GATAD2A: variants seen among roughly 807,000 people sequenced by gnomAD.
The protein encoded by GATAD2A is GATA zinc finger domain containing 2A.
In GATAD2A, 12 loss-of-function variants were observed where a neutral mutation model predicts 68.5. The ratio of observed to expected loss-of-function variants is 0.18; its 90% CI spans 0.11 to 0.28. GATAD2A has a LOEUF of 0.28. Among genes scored for constraint, GATAD2A ranks in the 10% least tolerant of loss-of-function variants. The probability of loss-of-function intolerance (pLI) is 1.00; values close to 1 mark genes in which losing one functional copy is unlikely to be tolerated. For missense variants in GATAD2A, 755 were observed against 868.5 expected, an observed-to-expected ratio of 0.87 and a Z score of 1.64; for synonymous variants, 410 against 375.3, an observed-to-expected ratio of 1.09 and a Z score of -1.07.
intron 2 of GATAD2A, among the ~76,000 whole-genome samples, chr19:19,474,821 G>A (rs2058559670): frequency 6.6e-6 from 1 of 152,222 alleles, no homozygotes; most frequent in Admixed American, 6.5e-5. Context: ...TGGCAGTCCA[G>A]CATACCGTCT....
intron 2 of GATAD2A, among the ~76,000 whole-genome samples, chr19:19,488,778 G>A (rs776436006): frequency 6.6e-6 from 1 of 152,156 alleles, no homozygotes; most frequent in Non-Finnish European, 1.5e-5. Context: ...ATTTTTGTAG[G>A]TCACATAAAA....
At chr19:19,399,113 A>G (rs992421531) in intron 1 of GATAD2A, among the ~76,000 whole-genome samples, 2 of 152,156 alleles carry the variant, frequency 1.3e-5, no homozygotes, top group Non-Finnish European at 2.9e-5. Context: ...AATCTCAGCT[A>G]CTTGGGAGGC....
At chr19:19,433,271 T>C (rs1399950804) in intron 1 of GATAD2A, among the ~76,000 whole-genome samples, 1 of 152,210 alleles carries the variant, frequency 6.6e-6, no homozygotes, top group Non-Finnish European at 1.5e-5. Flanking sequence ...GTCTCAGTGA[T>C]CCACATGCGT....
chr19:19,406,571 C>T (rs2050294192), intron 1 of GATAD2A, among the ~76,000 whole-genome samples: 1 of 152,168 alleles, frequency 6.6e-6, no homozygotes, highest in Admixed American at 6.5e-5. Flanking sequence ...CCCCGGGAGC[C>T]GCGGGACCCT....
chr19:19,479,313 C>T (rs141661958), intron 2 of GATAD2A, among the ~76,000 whole-genome samples: 1 of 152,290 alleles, frequency 6.6e-6, no homozygotes, highest in East Asian at 1.9e-4. Flanking sequence ...AAAGATCAGT[C>T]CTGCAAACCT....
chr19:19,440,440 T>G, intron 1 of GATAD2A: 1 of 223,980 alleles, frequency 4.5e-6, no homozygotes, highest in South Asian at 4.6e-5. Flanking sequence ...CCTGCTAATT[T>G]TTTATATTTT....
intron 1 of GATAD2A, among the ~76,000 whole-genome samples, chr19:19,387,539 G>A (rs1318042016): frequency 6.6e-6 from 1 of 151,928 alleles, no homozygotes; most frequent in Non-Finnish European, 1.5e-5. Context: ...GGCTGGTCTC[G>A]AACTTCTGAG....
intron 1 of GATAD2A, among the ~76,000 whole-genome samples, chr19:19,446,645 T>C (rs1416135773): frequency 6.6e-6 from 1 of 152,254 alleles, no homozygotes; most frequent in Non-Finnish European, 1.5e-5. Flanking sequence ...CTAAGAGTTT[T>C]ATGGATTTAG....
In GATAD2A at chr19:19,505,572, C is replaced by A; in HGVS notation, c.*98C>A. The A allele has an allele frequency of 9.1e-7, 1 of 1,104,002 alleles. No homozygotes were observed. The highest frequency in any genetic ancestry group is 1.3e-6 in the Non-Finnish European group (1 of 793,140). The allele number at this position is 1,104,002 out of a possible 1,614,324, so 68.4% of individuals were successfully genotyped here. On this transcript the variant is annotated 3_prime_UTR_variant, in exon 12 of 12. Transcript: ENST00000683918. ...ACCACCCTCCGCTGGCTCGGGAAGA[C>A]ACCGTGCCCGCCCCAAGAGCAAGCA...
intron 2 of GATAD2A, among the ~76,000 whole-genome samples, chr19:19,485,904 GAC>G (rs2059397484): frequency 2.0e-5 from 3 of 152,296 alleles, no homozygotes; most frequent in Middle Eastern, 3.4e-3. Flanking sequence ...GACGCACGAT[GAC>G]ACACAATTCA....
intron 2 of GATAD2A, among the ~76,000 whole-genome samples, chr19:19,491,071 A>G (rs555878140): frequency 6.6e-6 from 1 of 152,198 alleles, no homozygotes; most frequent in African/African-American, 2.4e-5. Context: ...TACATCCTAG[A>G]GGATCGTTCA....
At chr19:19,480,693 G>T (rs1274774226) in intron 2 of GATAD2A, among the ~76,000 whole-genome samples, 1 of 152,224 alleles carries the variant, frequency 6.6e-6, no homozygotes, top group Non-Finnish European at 1.5e-5. Context: ...CCTCATTGAG[G>T]TTTGGTGAAT....
At chr19:19,385,920 C>G (rs1358246599) in exon 1 of GATAD2A, 1 of 148,904 alleles carries the variant, frequency 6.7e-6, no homozygotes, top group Non-Finnish European at 1.5e-5. Context: ...GGTCAGCGCC[C>G]CGGCGCGCGC....
At chr19:19,424,899 A>T (rs1446903648) in intron 1 of GATAD2A, among the ~76,000 whole-genome samples, 1 of 151,848 alleles carries the variant, frequency 6.6e-6, no homozygotes, top group Non-Finnish European at 1.5e-5. Context: ...TGATTACTTG[A>T]AGCTAGGAGT....
chr19:19,490,992 C>T (rs1463503966), intron 2 of GATAD2A, among the ~76,000 whole-genome samples: 2 of 152,212 alleles, frequency 1.3e-5, no homozygotes, highest in Non-Finnish European at 2.9e-5. Flanking sequence ...ATCTTTGGGA[C>T]TTGCGTTGGG....
chr19:19,496,872 CT>C (rs933823346), intron 7 of GATAD2A, among the ~76,000 whole-genome samples: 3 of 152,180 alleles, frequency 2.0e-5, no homozygotes, highest in Non-Finnish European at 4.4e-5. Flanking sequence ...CGTGTTCGCT[CT>C]TTCTTCCCTC....
rs908009955 is a variant in GATAD2A at position 19,507,348 on chromosome 19, G to A, written c.*1874G>A. ...AAATACCTGTCTCCTACGACCCTGA[G>A]CTGTTAGCCCTCTCTGTTCCATGAC... On this transcript the variant is annotated 3_prime_UTR_variant, in exon 12 of 12. Transcript: ENST00000683918. 1 of 151,978 alleles carries A rather than the reference G, an allele frequency of 6.6e-6. No homozygotes were observed. Among genetic ancestry groups the A allele is most frequent in the Non-Finnish European group, 1.5e-5 (1 of 68,018 alleles). 9.4% of individuals were successfully genotyped at this position (151,978 alleles called of 1,614,324 possible). A position where few individuals can be genotyped will look rare whatever the true frequency, so the allele number is the denominator to read the frequency against.
chr19:19,424,031 C>T (rs2147306876), intron 1 of GATAD2A, among the ~76,000 whole-genome samples: 2 of 152,272 alleles, frequency 1.3e-5, no homozygotes, highest in South Asian at 4.1e-4. Context: ...TCAAGTGATC[C>T]TTCCACCTCA....
At chr19:19,498,368 G>A (rs1022297907) in intron 7 of GATAD2A, 75 bp from the exon 8 acceptor site, 18 of 1,420,268 alleles carry the variant, frequency 1.3e-5, no homozygotes, top group East Asian at 4.7e-5. Context: ...ACAGGACCTC[G>A]GGCTTCGGGG....
Sources: gnomAD v4.1 joint callset for allele counts (sites outside exome capture counted in the v4.1 genomes callset) on GRCh38, gnomAD v4.1.1 for gene constraint, MANE v1.5 for transcripts, NCBI Gene and HGNC (gene_info 2026-07-23, HGNC 2026-07-21) for gene names.